PPP1R13B: variants seen among roughly 807,000 people sequenced by gnomAD.
PPP1R13B encodes protein phosphatase 1 regulatory subunit 13B.
A neutral mutation model predicts 119.8 loss-of-function variants in PPP1R13B; 44 were observed. The ratio of observed to expected loss-of-function variants is 0.37; its 90% CI spans 0.29 to 0.47. The LOEUF is 0.47. Ranked by LOEUF, PPP1R13B falls within the 20% of genes least tolerant of loss-of-function variation. The pLI, the probability that PPP1R13B is intolerant of heterozygous loss-of-function variation, is 0.99. For missense variants in PPP1R13B, 1,227 were observed against 1,413.5 expected (o/e 0.87, Z 2.12); for synonymous variants, 542 against 561.5 (o/e 0.97, Z 0.49).
At chr14:103,811,314 G>A (rs939521900) in intron 1 of PPP1R13B, among the ~76,000 whole-genome samples, 12 of 152,140 alleles carry the variant, frequency 7.9e-5, no homozygotes, top group Middle Eastern at 3.4e-3. Flanking sequence ...CAGTTATTAA[G>A]AGAATGAAAA....
chr14:103,734,240 CTGACACCAGGCGTCTGCCATCCT>C lies in PPP1R13B; in HGVS notation c.*891_*913del. ...TGCTGCTCCTTGGTGGCGGCCCCTCCTGACACCAGGCGTCTGCCATCCTTCAGGCACCAAACAGCCCCGTCTAC... is the reference window on the plus strand; with the variant it reads ...TGCTGCTCCTTGGTGGCGGCCCCTCCTCAGGCACCAAACAGCCCCGTCTAC... On this transcript the variant is annotated 3_prime_UTR_variant, in exon 17 of 17. Transcript: ENST00000202556. 3.5e-6 allele frequency: 1 copy of C among 285,806 alleles called. No individual in the cohort carries two copies. 17.7% of individuals were successfully genotyped at this position (285,806 alleles called of 1,614,324 possible).
At chr14:103,754,561 CA>C (rs771794623) in intron 5 of PPP1R13B, among the ~76,000 whole-genome samples, 1,927 of 40,936 alleles carry the variant, frequency 0.047, 13 homozygotes, top group African/African-American at 0.14. Context: ...GACTCAGTCT[CA>C]AAAAAAAAAA....
rs760311107 is a variant in PPP1R13B at position 103,738,662 on chromosome 14, A to G, written c.2864+17T>C. The G allele has an allele frequency of 1.2e-6, 2 of 1,613,120 alleles. No homozygotes were observed. The highest frequency in any genetic ancestry group is 1.7e-6 in the Non-Finnish European group (2 of 1,179,488). Reference sequence around the variant, plus strand: ...GGGAAAGTAAATCTGTCCACCCCACACTCCTACGGGCCTCACCATCCATCA... The same window carrying G: ...GGGAAAGTAAATCTGTCCACCCCACGCTCCTACGGGCCTCACCATCCATCA... On this transcript the variant is annotated intron_variant, in intron 14 of 16. Transcript: ENST00000202556. The surrounding 1 kb of genome is among the most constrained non-coding windows in gnomAD (Gnocchi z 5.6).
At chr14:103,776,027 T>G (rs1307555768) in intron 4 of PPP1R13B, among the ~76,000 whole-genome samples, 3 of 152,004 alleles carry the variant, frequency 2.0e-5, no homozygotes, top group Non-Finnish European at 2.9e-5. Flanking sequence ...GCTAAATGGT[T>G]TTCAACTTTA....
At chr14:103,786,458 C>G (rs375353143) in intron 2 of PPP1R13B, among the ~76,000 whole-genome samples, 2 of 152,002 alleles carry the variant, frequency 1.3e-5, no homozygotes, top group African/African-American at 4.8e-5. Flanking sequence ...AGGTATTATG[C>G]CTATTTTTCA....
In PPP1R13B at chr14:103,765,107, T is replaced by A. The variant is rs550844935; in HGVS notation, c.355-7356A>T. ...TGCTGGGATTATAGGCGTGAGCCACTGTGCCCGGCCAACACAGCTGTTCTA... is the reference window on the plus strand; with the variant it reads ...TGCTGGGATTATAGGCGTGAGCCACAGTGCCCGGCCAACACAGCTGTTCTA... On this transcript the variant is annotated intron_variant, in intron 4 of 16. Transcript: ENST00000202556. Among the ~76,000 whole-genome samples the A allele has an allele frequency of 8.3e-4, 126 of 152,346 alleles. 1 individual carries two copies. The highest frequency in any genetic ancestry group is 2.9e-3 in the African/African-American group (122 of 41,582).
chr14:103,805,557 C>T (rs147438588), intron 1 of PPP1R13B, among the ~76,000 whole-genome samples: 3 of 149,292 alleles, frequency 2.0e-5, no homozygotes, highest in South Asian at 2.1e-4. Context: ...AGTGACAGAG[C>T]GAGATGCTGT....
At chr14:103,785,082 G>A (rs1179826751) in intron 2 of PPP1R13B, among the ~76,000 whole-genome samples, 168 bp from the exon 3 acceptor site, 2 of 152,136 alleles carry the variant, frequency 1.3e-5, no homozygotes, top group Non-Finnish European at 2.9e-5. Context: ...GTAAAAGCAA[G>A]AATATGAATG....
At chr14:103,741,435 A>G (rs2084256313) in intron 11 of PPP1R13B, among the ~76,000 whole-genome samples, 1 of 152,188 alleles carries the variant, frequency 6.6e-6, no homozygotes, top group Non-Finnish European at 1.5e-5. Flanking sequence ...GCCAGTGGTC[A>G]AGGCCACCCT....
intron 1 of PPP1R13B, among the ~76,000 whole-genome samples, chr14:103,839,061 A>C (rs1468913623): frequency 1.3e-5 from 2 of 151,908 alleles, no homozygotes; most frequent in Non-Finnish European, 2.9e-5. Flanking sequence ...CAGTGGTGCA[A>C]TCTCGGCTCA....
At position 103,754,232 on chromosome 14, in the gene PPP1R13B, G is replaced by C. The variant is rs1377384053; in HGVS notation, c.469C>G (p.His157Asp). The change falls in exon 6 of 17, where the codon CAT becomes GAT. Residue 157 changes from histidine to aspartate, a missense_variant. Coordinates refer to ENST00000202556, the MANE Select transcript of PPP1R13B (RefSeq NM_015316.3). ...QMLVAKEQRL[H>D]FLKQQERRQQ... ...CGGCGCTCCTGTTGCTTTAGAAAATGTAAACGCTGTTCCTAACAAAAGAAA... is the reference window on the plus strand; with the variant it reads ...CGGCGCTCCTGTTGCTTTAGAAAATCTAAACGCTGTTCCTAACAAAAGAAA... 2 of 1,611,780 alleles carry C rather than the reference G, an allele frequency of 1.2e-6. No homozygotes were observed. Among genetic ancestry groups the C allele is most frequent in the Non-Finnish European group, 1.7e-6 (2 of 1,179,336 alleles).
At position 103,847,461 on chromosome 14, in the gene PPP1R13B, G is replaced by A. The variant is rs961252229; in HGVS notation, c.-154C>T. ...AGGCGGCAGCTGCGGCGGGCTGCGGGGCTCTCGCTGGCCCTGTCGCGGCCG... is the reference window on the plus strand; with the variant it reads ...AGGCGGCAGCTGCGGCGGGCTGCGGAGCTCTCGCTGGCCCTGTCGCGGCCG... On this transcript the variant is annotated 5_prime_UTR_variant, in exon 1 of 17. Transcript: ENST00000202556. The A allele has an allele frequency of 6.5e-5, 65 of 994,494 alleles. No homozygotes were observed. The East Asian group carries it at 1.4e-3, about 21-fold the overall frequency. The allele number at this position is 994,494 out of a possible 1,614,324, so 61.6% of individuals were successfully genotyped here.
intron 1 of PPP1R13B, among the ~76,000 whole-genome samples, chr14:103,845,310 G>T (rs1046154846): frequency 6.6e-6 from 1 of 152,112 alleles, no homozygotes; most frequent in East Asian, 1.9e-4. Flanking sequence ...AACTCCAACT[G>T]TGTTAATAGA....
intron 3 of PPP1R13B, among the ~76,000 whole-genome samples, chr14:103,783,108 G>GT (rs1396082134): frequency 6.6e-6 from 1 of 151,142 alleles, no homozygotes; most frequent in Non-Finnish European, 1.5e-5. Flanking sequence ...GCCTAGCCAA[G>GT]TTTTTTTCCT....
intron 3 of PPP1R13B, among the ~76,000 whole-genome samples, chr14:103,779,868 G>A (rs532443780): frequency 1.1e-4 from 17 of 152,134 alleles, no homozygotes; most frequent in African/African-American, 3.4e-4. Context: ...AGGCATTTGC[G>A]GCCAGGCATG....
At chr14:103,766,980 A>C (rs908002557) in intron 4 of PPP1R13B, among the ~76,000 whole-genome samples, 16 of 152,198 alleles carry the variant, frequency 1.1e-4, no homozygotes, top group Non-Finnish European at 2.1e-4. Flanking sequence ...ACTAAGATAA[A>C]GGCAATAATG....
In PPP1R13B at chr14:103,738,416, C is replaced by T. The variant is rs375997672; in HGVS notation, c.2864+263G>A. 2.9e-4 allele frequency: 148 copies of T among 512,896 alleles called. No individual in the cohort carries two copies. Among genetic ancestry groups the T allele is most frequent in the Admixed American group, 3.6e-4 (11 of 30,612 alleles). The allele number at this position is 512,896 out of a possible 1,614,324, so 31.8% of individuals were successfully genotyped here. A position where few individuals can be genotyped will look rare whatever the true frequency, so the allele number is the denominator to read the frequency against. On this transcript the variant is annotated intron_variant, in intron 14 of 16. Coordinates refer to ENST00000202556, the MANE Select transcript of PPP1R13B (RefSeq NM_015316.3). The surrounding 1 kb of genome is among the most constrained non-coding windows in gnomAD (Gnocchi z 5.6). Reference sequence around the variant, plus strand: ...ATGAGAAGGGGAAGATGGAATGATTCACAGAATGCTTAGACTGCAATGTTA... The same window carrying T: ...ATGAGAAGGGGAAGATGGAATGATTTACAGAATGCTTAGACTGCAATGTTA...
At chr14:103,754,476 C>T (rs2084627599) in intron 5 of PPP1R13B, among the ~76,000 whole-genome samples, 1 of 144,176 alleles carries the variant, frequency 6.9e-6, no homozygotes, top group South Asian at 2.3e-4. Context: ...GCAGAAGAAT[C>T]GCTTGAAACC....
chr14:103,825,383 G>A (rs1348373346), intron 1 of PPP1R13B, among the ~76,000 whole-genome samples: 2 of 152,156 alleles, frequency 1.3e-5, no homozygotes, highest in African/African-American at 4.8e-5. Context: ...AACCTTAAGA[G>A]GAAGGAATGT....
Sources: gnomAD v4.1 joint callset for allele counts (sites outside exome capture counted in the v4.1 genomes callset) on GRCh38, gnomAD v4.1.1 for gene constraint, Gnocchi (gnomAD v3.1) non-coding constraint, MANE v1.5 for transcripts, NCBI Gene and HGNC (gene_info 2026-07-23, HGNC 2026-07-21) for gene names.